The following SCEL variants were observed in gnomAD, a reference collection of about 807,000 sequenced individuals.
SCEL encodes the protein sciellin.
A neutral mutation model predicts 117.6 loss-of-function variants in SCEL; 113 were observed. The observed-to-expected ratio is 0.96, with a 90% CI of 0.83 to 1.12. SCEL has a LOEUF of 1.12. SCEL is among the 50% of genes most tolerant of loss of function. SCEL has a pLI of 0.00. For synonymous variants in SCEL, 270 were observed against 256.2 expected (o/e 1.05, Z -0.51); for missense variants, 785 against 810.8 (o/e 0.97, Z 0.39).
At chr13:77,619,024 G>A (rs1384379133) in intron 27 of SCEL, among the ~76,000 whole-genome samples, 1 of 152,160 alleles carries the variant, frequency 6.6e-6, no homozygotes, top group Non-Finnish European at 1.5e-5. Flanking sequence ...AATAGATAAT[G>A]CAAAAGAGTG....
intron 15 of SCEL, among the ~76,000 whole-genome samples, chr13:77,601,644 G>A (rs2087706366): frequency 6.6e-6 from 1 of 152,142 alleles, no homozygotes; most frequent in Non-Finnish European, 1.5e-5. Context: ...TAAGAGAAAT[G>A]ACTTGTCTGA....
intron 29 of SCEL, among the ~76,000 whole-genome samples, chr13:77,635,375 T>A (rs949515763): frequency 1.3e-5 from 2 of 152,154 alleles, no homozygotes; most frequent in Non-Finnish European, 2.9e-5. Flanking sequence ...AAATCTGAAA[T>A]AAATTGATAA....
intron 7 of SCEL, among the ~76,000 whole-genome samples, chr13:77,568,550 A>G (rs1361691585): frequency 6.6e-6 from 1 of 152,162 alleles, no homozygotes; most frequent in Non-Finnish European, 1.5e-5. Flanking sequence ...TACTCTATCC[A>G]AACACCAAAG....
chr13:77,636,814 T>C (rs1467710455), intron 29 of SCEL, among the ~76,000 whole-genome samples: 2 of 152,220 alleles, frequency 1.3e-5, no homozygotes, highest in African/African-American at 4.8e-5. Context: ...TCTGTGTAGC[T>C]TTCTTTAGTA....
At chr13:77,617,049 A>C (rs1251690493) in intron 24 of SCEL, among the ~76,000 whole-genome samples, 1 of 152,120 alleles carries the variant, frequency 6.6e-6, no homozygotes, top group Non-Finnish European at 1.5e-5. Flanking sequence ...GAGAAACAGG[A>C]AGAGTTTCAA....
chr13:77,617,813 C>A lies in SCEL; in HGVS notation c.1522C>A (p.Leu508Ile). The A allele has an allele frequency of 6.2e-7, 1 of 1,610,324 alleles. No individual in the cohort carries two copies. The highest frequency in any genetic ancestry group is 1.1e-5 in the South Asian group (1 of 90,438). ...IFTNNQRNQD[L>I]ANLIKVNPAV... is the part of the protein sequence containing the mutation. ...TTTTTTGATTTAAAGAAACCAAGAT[C>A]TTGCTAACCTCATCAAAGTAAATCC... The change falls in exon 26 of 33, where the codon CTT (leucine) becomes ATT (isoleucine). Residue 508 changes from leucine to isoleucine, a missense_variant. Transcript: ENST00000349847.
chr13:77,573,638 C>CATCCATCT (rs1401499284), intron 9 of SCEL, among the ~76,000 whole-genome samples: 2 of 149,752 alleles, frequency 1.3e-5, no homozygotes, highest in African/African-American at 4.9e-5. Context: ...TCTGTCATTA[C>CATCCATCT]ATCTATCTAT....
chr13:77,586,630 T>G (rs544881405), intron 9 of SCEL, among the ~76,000 whole-genome samples: 11 of 152,298 alleles, frequency 7.2e-5, no homozygotes, highest in African/African-American at 2.4e-4. Flanking sequence ...CAGTCTATTC[T>G]GTTCCTCCTC....
rs2087320183 is a variant in SCEL at position 77,597,555 on chromosome 13, G to A, written c.763G>A (p.Asp255Asn). The A allele has an allele frequency of 6.7e-7, 1 of 1,490,036 alleles. No homozygotes were observed. The highest frequency in any genetic ancestry group is 9.1e-7 in the Non-Finnish European group (1 of 1,095,176). 92.3% of individuals were successfully genotyped at this position (1,490,036 alleles called of 1,614,324 possible). ...TTTCTCTTCCCAAAGTGAAGAATTG[G>A]ATAATCTCATCAAAATGAACAAAAG... ...LQRSDKGEEL[D>N]NLIKMNKSLN... is the part of the protein sequence containing the mutation. The change falls in exon 13 of 33, where the codon GAT (aspartate) becomes AAT (asparagine). Residue 255 changes from aspartate (D) to asparagine (N), a missense_variant. By Grantham distance (23) the Asp-to-Asn change is conservative. Coordinates refer to ENST00000349847, the MANE Select transcript of SCEL (RefSeq NM_144777.3).
intron 29 of SCEL, 82 bp downstream of exon 29, chr13:77,634,532 T>C (rs1044135422): frequency 2.4e-5 from 23 of 953,460 alleles, no homozygotes; most frequent in Non-Finnish European, 3.6e-5. Flanking sequence ...GCTATTGTTT[T>C]AGAGTGTGCT....
intron 22 of SCEL, among the ~76,000 whole-genome samples, chr13:77,612,456 CTTTTTTTTTTTTTTTTTTTT>C (rs71102764): frequency 2.1e-5 from 2 of 93,544 alleles, no homozygotes; most frequent in Non-Finnish European, 4.3e-5. Flanking sequence ...TTTTTCTTTT[CTTTTTTTTTTTTTTTTTTTT>C]TTTTTTTTTA....
intron 15 of SCEL, 78 bp downstream of exon 15, chr13:77,599,826 G>GA (rs1482465765): frequency 1.0e-6 from 1 of 1,000,802 alleles, no homozygotes; most frequent in African/African-American, 1.6e-5. Context: ...CTCCTGCTTA[G>GA]TACAAGGGTC....
chr13:77,617,786 T>C lies in SCEL; in HGVS notation c.1512-17T>C. Reference sequence around the variant, plus strand: ...CTTCAAAATTAACCTGCTCTCATTTTATTTTTTGATTTAAAGAAACCAAGA... The same window carrying C: ...CTTCAAAATTAACCTGCTCTCATTTCATTTTTTGATTTAAAGAAACCAAGA... On this transcript the variant is annotated splice_polypyrimidine_tract_variant and intron_variant, in intron 25 of 32. Transcript: ENST00000349847. The C allele has an allele frequency of 6.3e-7, 1 of 1,597,234 alleles. No homozygotes were observed. The highest frequency in any genetic ancestry group is 8.6e-7 in the Non-Finnish European group (1 of 1,168,232).
intron 29 of SCEL, among the ~76,000 whole-genome samples, chr13:77,634,981 C>CCT (rs1353535268): frequency 6.6e-6 from 1 of 151,994 alleles, no homozygotes; most frequent in Admixed American, 6.6e-5. Flanking sequence ...ATTTGGTTTT[C>CCT]AAGGAATATA....
At chr13:77,563,460 T>C (rs1227028611) in intron 4 of SCEL, among the ~76,000 whole-genome samples, 2 of 152,224 alleles carry the variant, frequency 1.3e-5, no homozygotes, top group Non-Finnish European at 2.9e-5. Context: ...TATAAAAGAT[T>C]GAGTTCCTAT....
rs373246173 is a variant in SCEL, at chr13:77,644,314, G to A, written c.*40G>A. ...AATCAAGATGAAAAGCACTCATTAA[G>A]GAATTAAAGTTACAAGTTTTATCTT... On this transcript the variant is annotated 3_prime_UTR_variant, in exon 33 of 33. Coordinates refer to ENST00000349847, the MANE Select transcript of SCEL (RefSeq NM_144777.3). 4 of 1,600,450 alleles carry A rather than the reference G, an allele frequency of 2.5e-6. No individual in the cohort carries two copies. Among genetic ancestry groups the A allele is most frequent in the Non-Finnish European group, 3.4e-6 (4 of 1,169,124 alleles).
At position 77,603,153 on chromosome 13, in the gene SCEL, C is replaced by T. The variant is rs925324683; in HGVS notation, c.1097+18C>T. ...ACCACTGGGTAAAAATAATTAATGT[C>T]TTTAATTATGGTTTCTGTTAAGTGT... On this transcript the variant is annotated intron_variant, in intron 18 of 32. Transcript: ENST00000349847. 11 of 1,434,686 alleles carry T rather than the reference C, an allele frequency of 7.7e-6. No individual in the cohort carries two copies. The African/African-American group carries it at 1.0e-4, about 13-fold the overall frequency. 88.9% of individuals were successfully genotyped at this position (1,434,686 alleles called of 1,614,324 possible).
In SCEL at chr13:77,589,225, G is replaced by A; in HGVS notation, c.626+1G>A. 6.3e-7 allele frequency: 1 copy of A among 1,595,234 alleles called. No homozygotes were observed. Among genetic ancestry groups the A allele is most frequent in the South Asian group, 1.1e-5 (1 of 90,576 alleles). ...CTAACCAGCTGAGACAGGATAATAG[G>A]TAAGACCTAGTACTCCAGAATTTCT... is the stretch of plus-strand genomic sequence containing the variant. On this transcript the variant is annotated splice_donor_variant, in intron 10 of 32. Transcript: ENST00000349847. LOFTEE classifies it high-confidence loss of function.
At chr13:77,590,735 TATGAAATGGAAGTGTTTCCTATG>T (rs1403839733) in intron 10 of SCEL, among the ~76,000 whole-genome samples, 2 of 152,128 alleles carry the variant, frequency 1.3e-5, no homozygotes, top group Non-Finnish European at 1.5e-5. Context: ...AATGAAAGAA[TATGAAATGGAAGTGTTTCCTATG>T]TAATTAACAC....
Sources: gnomAD v4.1 joint callset for allele counts (sites outside exome capture counted in the v4.1 genomes callset) on GRCh38, gnomAD v4.1.1 for gene constraint, MANE v1.5 for transcripts, NCBI Gene and HGNC (gene_info 2026-07-23, HGNC 2026-07-21) for gene names.